Variants in NHS observed in about 807,000 individuals in gnomAD.
The protein encoded by NHS is actin remodeling regulator NHS.
In NHS, 5 loss-of-function variants were observed where a neutral mutation model predicts 72.5. The ratio of observed to expected loss-of-function variants is 0.07; its 90% CI spans 0.04 to 0.14. The LOEUF (loss-of-function observed/expected upper bound fraction) is 0.14. Ranked by LOEUF, NHS falls within the 10% of genes least tolerant of loss-of-function variation. The pLI is 1.00. For synonymous variants in NHS, 464 were observed against 547.7 expected, an observed-to-expected ratio of 0.85 and a Z score of 2.13; for missense variants, 1,072 against 1,355.7, an observed-to-expected ratio of 0.79 and a Z score of 3.29.
Position 17,732,323 on chromosome X carries a change from G to A in NHS, c.4815G>A (p.Arg1605=). The part of the protein sequence containing the change: ...TSASARVGRS[R]APPAASSSRY... Reference sequence around the variant, plus strand: ...CATCAGCAAGGGTTGGACGTTCTCGGGCCCCTCCTGCAGCCAGCAGCAGCC... The same window carrying A: ...CATCAGCAAGGGTTGGACGTTCTCGAGCCCCTCCTGCAGCCAGCAGCAGCC... The change falls in exon 9 of 9, where the codon CGG becomes CGA. Residue 1605 remains arginine (R), a synonymous_variant. Coordinates refer to ENST00000676302, the MANE Select transcript of NHS (RefSeq NM_001291867.2). The A allele has an allele frequency of 8.2e-7, 1 of 1,212,391 alleles. No homozygotes were observed. Among genetic ancestry groups the A allele is most frequent in the East Asian group, 3.0e-5 (1 of 33,847 alleles).
At chrX:17,492,166 C>T (rs939580969) in intron 1 of NHS, among the ~76,000 whole-genome samples, 5 of 111,051 alleles carry the variant, frequency 4.5e-5, no homozygotes, top group Non-Finnish European at 9.4e-5. Context: ...TATTTCTTGT[C>T]GTCTGCTAGC....
At chrX:17,553,360 A>G (rs947710006) in intron 1 of NHS, among the ~76,000 whole-genome samples, 2 of 112,895 alleles carry the variant, frequency 1.8e-5, no homozygotes, top group Non-Finnish European at 3.7e-5. Context: ...GGTCTGAGGT[A>G]TCATTACTGG....
intron 1 of NHS, among the ~76,000 whole-genome samples, chrX:17,429,174 A>T (rs1257983680): frequency 9.0e-6 from 1 of 110,936 alleles, no homozygotes; most frequent in Non-Finnish European, 1.9e-5. Flanking sequence ...TAAAGAAAGG[A>T]TAATGAAGTC....
chrX:17,531,045 G>A (rs2065195837), intron 1 of NHS, among the ~76,000 whole-genome samples: 1 of 111,865 alleles, frequency 8.9e-6, no homozygotes, highest in Non-Finnish European at 1.9e-5. Context: ...AGCTGCTCTC[G>A]AGGAACCCTG....
At chrX:17,534,039 G>C (rs1232747994) in intron 1 of NHS, among the ~76,000 whole-genome samples, 2 of 111,904 alleles carry the variant, frequency 1.8e-5, no homozygotes, top group African/African-American at 6.5e-5. Flanking sequence ...TTGATGATGA[G>C]TTCTCTAACC....
intron 1 of NHS, among the ~76,000 whole-genome samples, chrX:17,679,720 C>G (rs1327730836): frequency 1.8e-5 from 2 of 111,178 alleles, no homozygotes; most frequent in African/African-American, 6.5e-5. Context: ...ATCCAATCCT[C>G]TTATGAGTTA....
intron 1 of NHS, among the ~76,000 whole-genome samples, chrX:17,617,041 C>T (rs1293124676): frequency 8.9e-6 from 1 of 112,354 alleles, no homozygotes; most frequent in African/African-American, 3.2e-5. Context: ...TGCCTTTTCT[C>T]TCCAGCCTTG....
intron 1 of NHS, among the ~76,000 whole-genome samples, chrX:17,451,136 A>G (rs920617660): frequency 8.0e-5 from 9 of 112,448 alleles, no homozygotes; most frequent in African/African-American, 2.6e-4. Flanking sequence ...TTTTGGATAT[A>G]TTAGGTTAAA....
chrX:17,578,690 T>C (rs1337803042), intron 1 of NHS, among the ~76,000 whole-genome samples: 1 of 112,289 alleles, frequency 8.9e-6, no homozygotes, highest in African/African-American at 3.2e-5. Context: ...ATTCAATTGG[T>C]GTTATAAAAT....
intron 1 of NHS, among the ~76,000 whole-genome samples, chrX:17,477,453 G>C (rs752248387): frequency 1.3e-3 from 151 of 112,333 alleles, no homozygotes; most frequent in Non-Finnish European, 2.3e-3. Flanking sequence ...CCCAAGGTGA[G>C]GGCAACAGTG....
rs1043299878 is a variant in NHS, at chrX:17,385,422, G to A, written c.565+9100G>A. Among the ~76,000 whole-genome samples, 3 of 111,850 alleles carry A rather than the reference G, an allele frequency of 2.7e-5. No homozygotes were observed. The Admixed American group carries it at 2.8e-4, about 11-fold the overall frequency. On this transcript the variant is annotated intron_variant, in intron 1 of 8. Coordinates refer to ENST00000676302, the MANE Select transcript of NHS (RefSeq NM_001291867.2). Reference sequence around the variant, plus strand: ...CCATCTACTCAGGAGTCTGAGATGGGAGGGTCGCTTAAATCAAGGAGGTGG... The same window carrying A: ...CCATCTACTCAGGAGTCTGAGATGGAAGGGTCGCTTAAATCAAGGAGGTGG...
intron 1 of NHS, among the ~76,000 whole-genome samples, chrX:17,600,003 T>C (rs2065641545): frequency 9.0e-6 from 1 of 111,629 alleles, no homozygotes; most frequent in African/African-American, 3.3e-5. Flanking sequence ...TGATAACCTA[T>C]GTTTTAGACA....
chrX:17,506,222 A>T (rs2065057139), intron 1 of NHS, among the ~76,000 whole-genome samples: 1 of 110,591 alleles, frequency 9.0e-6, no homozygotes, highest in African/African-American at 3.3e-5. Flanking sequence ...ATTCACACAC[A>T]CCCCACTTAA....
intron 1 of NHS, among the ~76,000 whole-genome samples, chrX:17,666,047 C>T (rs1026416013): frequency 9.0e-6 from 1 of 111,543 alleles, no homozygotes; most frequent in African/African-American, 3.3e-5. Context: ...TGAGAAAAGA[C>T]ATGGGGTGTG....
At chrX:17,555,705 TAAGA>T (rs2065366922) in intron 1 of NHS, among the ~76,000 whole-genome samples, 1 of 111,908 alleles carries the variant, frequency 8.9e-6, no homozygotes, top group Admixed American at 9.5e-5. Flanking sequence ...TGGGGGAAGT[TAAGA>T]TACCATCTTG....
At chrX:17,637,384 A>G (rs1272477388) in intron 1 of NHS, among the ~76,000 whole-genome samples, 1 of 111,552 alleles carries the variant, frequency 9.0e-6, no homozygotes, top group African/African-American at 3.3e-5. Flanking sequence ...CAGACCAGGA[A>G]GGGACTGGGC....
chrX:17,633,305 T>G (rs1456728190), intron 1 of NHS, among the ~76,000 whole-genome samples: 1 of 112,271 alleles, frequency 8.9e-6, no homozygotes, highest in African/African-American at 3.2e-5. Context: ...ATTTCTGTCT[T>G]CTAATTCTCT....
intron 1 of NHS, among the ~76,000 whole-genome samples, chrX:17,582,153 T>A (rs1287565893): frequency 8.9e-6 from 1 of 111,933 alleles, no homozygotes; most frequent in Non-Finnish European, 1.9e-5. Flanking sequence ...TTCTCTTCCA[T>A]TACCTGCTTT....
Position 17,654,983 on chromosome X carries a change from T to C in NHS, c.566-32759T>C, listed in dbSNP as rs771630817. 2.7e-5 allele frequency among the ~76,000 whole-genome samples: 3 copies of C among 112,303 alleles called. No individual in the cohort carries two copies. The South Asian group carries it at 1.1e-3, about 42-fold the overall frequency. On this transcript the variant is annotated intron_variant, in intron 1 of 8. Transcript: ENST00000676302. Reference sequence around the variant, plus strand: ...TAGTAAATCGCCGCTCCCTGGAGATTAATACATGGCTGCAAAGGCATTGTC... The same window carrying C: ...TAGTAAATCGCCGCTCCCTGGAGATCAATACATGGCTGCAAAGGCATTGTC...
Sources: allele counts gnomAD v4.1 joint callset (sites outside exome capture counted in the v4.1 genomes callset), GRCh38; gene constraint gnomAD v4.1.1; transcripts MANE v1.5; gene names NCBI Gene and HGNC (gene_info 2026-07-23, HGNC 2026-07-21).